NFKBIZ: variants seen among roughly 807,000 people sequenced by gnomAD.
NFKBIZ encodes the protein NFKB inhibitor zeta, also known as NF-kappa-B inhibitor zeta.
Under a neutral mutation model 76.8 loss-of-function variants are expected in NFKBIZ, and 19 were observed. The ratio of observed to expected loss-of-function variants is 0.25; its 90% CI spans 0.17 to 0.36. NFKBIZ has a LOEUF of 0.36. NFKBIZ is among the 10% of genes least tolerant of loss of function. NFKBIZ has a pLI of 1.00. For missense variants in NFKBIZ, 829 were observed against 910.9 expected, an observed-to-expected ratio of 0.91 and a Z score of 1.16; for synonymous variants, 368 against 354.8, an observed-to-expected ratio of 1.04 and a Z score of -0.42.
intron 2 of NFKBIZ, among the ~76,000 whole-genome samples, chr3:101,836,550 C>T (rs777094342): frequency 1.8e-4 from 27 of 152,254 alleles, no homozygotes; most frequent in Admixed American, 5.2e-4. Flanking sequence ...TATCTGGAAG[C>T]GTGTCCGGAA....
At chr3:101,844,222 T>C (rs754057618) in intron 2 of NFKBIZ, among the ~76,000 whole-genome samples, 10 of 152,216 alleles carry the variant, frequency 6.6e-5, no homozygotes, top group East Asian at 1.9e-4. Flanking sequence ...CTTGAGACAA[T>C]TGTCATATTT....
intron 9 of NFKBIZ, among the ~76,000 whole-genome samples, chr3:101,856,277 C>G (rs1943048298): frequency 6.6e-6 from 1 of 151,944 alleles, no homozygotes; most frequent in East Asian, 1.9e-4. Flanking sequence ...GTCTCGATCT[C>G]CTGACCTCGT....
At chr3:101,853,925 A>G (rs1943008655) in intron 5 of NFKBIZ, 62 bp downstream of exon 5, 1 of 1,506,792 alleles carries the variant, frequency 6.6e-7, no homozygotes, top group East Asian at 2.3e-5. Flanking sequence ...ACTAGTGAGC[A>G]TATAATTTTT....
Position 101,853,575 on chromosome 3 carries a change from C to T in NFKBIZ, c.1049C>T (p.Ser350Phe). ...LVSLLGDQRE[S>F]ENIANPMQTS... Reference sequence around the variant, plus strand: ...TCCCTTCTTGGTGATCAAAGGGAATCTGAGAATATTGCTAATCCCATGCAG... The same window carrying T: ...TCCCTTCTTGGTGATCAAAGGGAATTTGAGAATATTGCTAATCCCATGCAG... The change falls in exon 5 of 12, where the codon TCT becomes TTT. Residue 350 changes from serine to phenylalanine, a missense_variant. Ser to Phe is a radical substitution (Grantham distance 155, BLOSUM62 -2). This residue lies in a region of NFKBIZ where 371 missense variants were observed against 332.3 expected (regional missense o/e 1.12). Coordinates refer to ENST00000326172, the MANE Select transcript of NFKBIZ (RefSeq NM_031419.4). 1.2e-6 allele frequency: 2 copies of T among 1,614,220 alleles called. No individual in the cohort carries two copies. Among genetic ancestry groups the T allele is most frequent in the Middle Eastern group, 3.3e-4 (2 of 6,062 alleles).
rs890522514 is a variant in NFKBIZ, at chr3:101,860,555, GT to G, written c.*1191del. The G allele has an allele frequency of 6.6e-6, 1 of 151,768 alleles. No homozygotes were observed. The highest frequency in any genetic ancestry group is 2.4e-5 in the African/African-American group (1 of 41,308). 9.4% of individuals were successfully genotyped at this position (151,768 alleles called of 1,614,324 possible). ...ATTTATGTGTTCTGTTGAAATTTTT[GT>G]TTTTTTACCTTTATTGAAACAACAA... On this transcript the variant is annotated 3_prime_UTR_variant, in exon 12 of 12. Coordinates refer to ENST00000326172, the MANE Select transcript of NFKBIZ (RefSeq NM_031419.4).
intron 2 of NFKBIZ, among the ~76,000 whole-genome samples, chr3:101,837,994 T>G (rs930548142): frequency 6.6e-6 from 1 of 152,224 alleles, no homozygotes. Context: ...TCTACAGTTA[T>G]GATATTTTTA....
chr3:101,845,750 G>C (rs1316667492), upstream of NFKBIZ, among the ~76,000 whole-genome samples: 1 of 152,186 alleles, frequency 6.6e-6, no homozygotes, highest in African/African-American at 2.4e-5. Flanking sequence ...GGGAAAGATA[G>C]CGTTCTCATA....
chr3:101,830,238 C>T (rs1330826633), intron 2 of NFKBIZ, among the ~76,000 whole-genome samples: 1 of 152,180 alleles, frequency 6.6e-6, no homozygotes, highest in African/African-American at 2.4e-5. Context: ...ACTTATTAAA[C>T]ACTTGTTTTG....
chr3:101,847,305 A>C (rs142757343), upstream of NFKBIZ, among the ~76,000 whole-genome samples: 1 of 152,364 alleles, frequency 6.6e-6, no homozygotes, highest in Non-Finnish European at 1.5e-5. Context: ...AAGGAATTGC[A>C]ATTACTGAAG....
chr3:101,855,254 A>G (rs1943031123), intron 7 of NFKBIZ, 46 bp downstream of exon 7: 1 of 1,599,018 alleles, frequency 6.3e-7, no homozygotes, highest in Admixed American at 1.7e-5. Flanking sequence ...GGCCAGAGAG[A>G]TAGAGTTGGA....
At position 101,857,136 on chromosome 3, in the gene NFKBIZ, C is replaced by T. The variant is rs1198660404; in HGVS notation, c.1888C>T (p.Arg630Cys). ...TGAAGAAGCAAATCTGGAACTCATT[C>T]GCCTCTTTTTGGAGCTGCCCAGTTG... The part of the protein sequence containing the change: ...AAEEANLELI[R>C]LFLELPSCLS... The change falls in exon 10 of 12, where the codon CGC (arginine) becomes TGC (cysteine). Residue 630 changes from arginine to cysteine, a missense_variant. By Grantham distance (180) the Arg-to-Cys change is radical. Transcript: ENST00000326172. The T allele has an allele frequency of 3.7e-6, 6 of 1,612,928 alleles. No homozygotes were observed. Among genetic ancestry groups the T allele is most frequent in the Non-Finnish European group, 8.5e-7 (1 of 1,179,838 alleles).
chr3:101,846,525 A>T (rs1012477408), upstream of NFKBIZ, among the ~76,000 whole-genome samples: 2 of 152,208 alleles, frequency 1.3e-5, no homozygotes, highest in East Asian at 3.8e-4. Flanking sequence ...TTTGTTGACC[A>T]TCTTGGTCTA....
Position 101,853,475 on chromosome 3 carries a change from C to G in NFKBIZ, c.949C>G (p.Pro317Ala). The G allele has an allele frequency of 6.2e-7, 1 of 1,614,230 alleles. No individual in the cohort carries two copies. Among genetic ancestry groups the G allele is most frequent in the Non-Finnish European group, 8.5e-7 (1 of 1,180,036 alleles). ...TLEYSPFPIP[P>A]QSPAYEPNLF... is the part of the protein sequence containing the mutation. ...GGAATACAGTCCTTTTCCCATACCT[C>G]CCCAGTCCCCCGCTTATGAACCAAA... Residue 317 changes from proline (P) to alanine (A), a missense_variant, in exon 5 of 12, where the codon CCC (proline) becomes GCC (alanine). By Grantham distance (27) the Pro-to-Ala change is conservative. Coordinates refer to ENST00000326172, the MANE Select transcript of NFKBIZ (RefSeq NM_031419.4).
At chr3:101,858,049 G>A (rs1389474663) in intron 11 of NFKBIZ, 1 of 884,684 alleles carries the variant, frequency 1.1e-6, no homozygotes, top group African/African-American at 1.8e-5. Flanking sequence ...ATTGAGTATT[G>A]AATAGTTTCA....
intron 2 of NFKBIZ, among the ~76,000 whole-genome samples, chr3:101,831,046 A>G (rs1942640717): frequency 6.6e-6 from 1 of 152,180 alleles, no homozygotes; most frequent in Admixed American, 6.5e-5. Context: ...CACTTTTAAT[A>G]TTGGTAGAAG....
At chr3:101,838,969 G>A (rs184299800) in intron 2 of NFKBIZ, among the ~76,000 whole-genome samples, 22 of 152,190 alleles carry the variant, frequency 1.4e-4, no homozygotes, top group Admixed American at 5.2e-4. Context: ...ATAGTATTCC[G>A]CATATGGCAG....
rs1222957819 is a variant in NFKBIZ, at chr3:101,849,808, C to A, written c.180C>A (p.Pro60=). 6.8e-7 allele frequency: 1 copy of A among 1,470,140 alleles called. No homozygotes were observed. The highest frequency in any genetic ancestry group is 8.9e-7 in the Non-Finnish European group (1 of 1,118,274). The allele number at this position is 1,470,140 out of a possible 1,614,324, so 91.1% of individuals were successfully genotyped here. Residue 60 remains proline, a synonymous_variant, in exon 1 of 12, where the codon CCC becomes CCA. Coordinates refer to ENST00000326172, the MANE Select transcript of NFKBIZ (RefSeq NM_031419.4). ...ASCSVLGPSA[P]GSPGSDSSDF... is the part of the protein sequence containing the mutation. ...GCTCGGTCTTGGGCCCCTCGGCGCC[C>A]GGCTCGCCCGGCTCCGACTCCTCCG...
chr3:101,837,535 A>C (rs1408013977), intron 2 of NFKBIZ, among the ~76,000 whole-genome samples: 1 of 152,030 alleles, frequency 6.6e-6, no homozygotes, highest in Non-Finnish European at 1.5e-5. Flanking sequence ...AAAAAAGAAA[A>C]ATCATACAGG....
At chr3:101,832,092 G>GTTTC (rs746126836) in intron 2 of NFKBIZ, among the ~76,000 whole-genome samples, 77 of 151,914 alleles carry the variant, frequency 5.1e-4, no homozygotes, top group Admixed American at 7.9e-4. Context: ...GTTCTTTTTT[G>GTTTC]TTTCTTTCTT....
Sources: gnomAD v4.1 joint callset for allele counts (sites outside exome capture counted in the v4.1 genomes callset) on GRCh38, gnomAD v4.1.1 for gene constraint, gnomAD v4.1.1 regional missense constraint, MANE v1.5 for transcripts, NCBI Gene and HGNC (gene_info 2026-07-23, HGNC 2026-07-21) for gene names.